Variants in TSHR observed in about 807,000 individuals in gnomAD.
TSHR encodes the protein thyroid stimulating hormone receptor, also known as thyrotropin receptor.
A neutral mutation model predicts 64.1 loss-of-function variants in TSHR; 51 were observed. The ratio of observed to expected loss-of-function variants is 0.80; its 90% CI spans 0.64 to 1.01. The LOEUF is 1.01. TSHR is among the 50% of genes least tolerant of loss of function. TSHR has a pLI of 0.00. For synonymous variants in TSHR, 361 were observed against 361.9 expected (o/e 1.00, Z 0.03); for missense variants, 877 against 942.8 (o/e 0.93, Z 0.91).
At chr14:81,007,628 C>T (rs1889671212) in intron 1 of TSHR, among the ~76,000 whole-genome samples, 1 of 152,212 alleles carries the variant, frequency 6.6e-6, no homozygotes, top group Admixed American at 6.5e-5. Flanking sequence ...TATCAGGTTT[C>T]TCCACTTTCT....
chr14:81,040,868 A>T (rs956333317), intron 1 of TSHR, among the ~76,000 whole-genome samples: 1 of 152,164 alleles, frequency 6.6e-6, no homozygotes, highest in African/African-American at 2.4e-5. Context: ...ATGGACAAAC[A>T]CTTCTCAAAA....
intron 9 of TSHR, among the ~76,000 whole-genome samples, chr14:81,141,406 C>T (rs1052762826): frequency 3.3e-5 from 5 of 152,162 alleles, no homozygotes; most frequent in Admixed American, 2.0e-4. Flanking sequence ...GCAGCTGAGG[C>T]AAGTTAAAGA....
Position 81,105,036 on chromosome 14 carries a change from C to A in TSHR, c.615-3339C>A, listed in dbSNP as rs532632878. The A allele has an allele frequency of 2.0e-4, 201 of 985,336 alleles. No homozygotes were observed. In the African/African-American group the frequency reaches 3.1e-3, roughly 15 times the overall value. The allele number at this position is 985,336 out of a possible 1,614,324, so 61.0% of individuals were successfully genotyped here. On this transcript the variant is annotated intron_variant, in intron 7 of 9. Transcript: ENST00000298171. ...GTCTCTTACTACAAGCCTTTTGAGTCTCTTTTAAGCTACTTTATGTTCATC... is the reference window on the plus strand; with the variant it reads ...GTCTCTTACTACAAGCCTTTTGAGTATCTTTTAAGCTACTTTATGTTCATC...
At chr14:81,114,130 A>G (rs2140045680) in intron 8 of TSHR, among the ~76,000 whole-genome samples, 1 of 60,566 alleles carries the variant, frequency 1.7e-5, no homozygotes, top group Admixed American at 2.8e-4. Context: ...CCCAAGGAAA[A>G]GAAAAAAAAA....
chr14:81,038,070 A>T (rs1884739171), intron 1 of TSHR, among the ~76,000 whole-genome samples: 1 of 152,104 alleles, frequency 6.6e-6, no homozygotes, highest in African/African-American at 2.4e-5. Context: ...TCCAGAATAG[A>T]TTATATGTTA....
chr14:81,074,641 G>C (rs1032575834), intron 3 of TSHR, among the ~76,000 whole-genome samples: 4 of 152,190 alleles, frequency 2.6e-5, no homozygotes, highest in African/African-American at 9.7e-5. Flanking sequence ...TGGATTTGCT[G>C]CAAGGATAGA....
intron 1 of TSHR, among the ~76,000 whole-genome samples, chr14:81,011,099 G>C (rs60279325): frequency 0.039 from 5,876 of 152,280 alleles, 370 homozygotes; most frequent in African/African-American, 0.13. Flanking sequence ...TAACATGACT[G>C]AGTTGGGTTT....
At chr14:81,107,653 G>T (rs919069643) in intron 7 of TSHR, among the ~76,000 whole-genome samples, 2 of 152,054 alleles carry the variant, frequency 1.3e-5, no homozygotes, top group Non-Finnish European at 2.9e-5. Flanking sequence ...TTCCATGGAA[G>T]GTTGATGAGA....
intron 8 of TSHR, among the ~76,000 whole-genome samples, chr14:81,134,408 T>C (rs1193540152): frequency 6.6e-6 from 1 of 152,178 alleles, no homozygotes; most frequent in Non-Finnish European, 1.5e-5. Flanking sequence ...AGTGCTGCGA[T>C]TACAGATGTG....
At chr14:81,044,441 G>A (rs927829367) in intron 1 of TSHR, among the ~76,000 whole-genome samples, 5 of 152,060 alleles carry the variant, frequency 3.3e-5, no homozygotes, top group East Asian at 1.9e-4. Flanking sequence ...GGCGGATCAC[G>A]AGGTCAGGAG....
In TSHR at chr14:81,033,620, T is replaced by TAAAA. The variant is rs558393145; in HGVS notation, c.171-28515_171-28512dup. ...GAATGTTTTCCATATGGTCTTTTTC[T>TAAAA]AAAAAAAAAAAAAAAATGTACAATT... is the stretch of plus-strand genomic sequence containing the variant. On this transcript the variant is annotated intron_variant, in intron 1 of 9. Coordinates refer to ENST00000298171, the MANE Select transcript of TSHR (RefSeq NM_000369.5). 5.5e-3 allele frequency among the ~76,000 whole-genome samples: 722 copies of TAAAA among 131,190 alleles called. 5 individuals are homozygous for TAAAA. The highest frequency in any genetic ancestry group is 0.018 in the African/African-American group (637 of 35,326). The allele number at this position is 131,190 out of a possible 152,430, so 86.1% of individuals were successfully genotyped here.
chr14:80,987,654 T>C (rs929956222), intron 1 of TSHR, among the ~76,000 whole-genome samples: 2 of 152,220 alleles, frequency 1.3e-5, no homozygotes, highest in African/African-American at 4.8e-5. Flanking sequence ...TCAATTAGCT[T>C]ACATCGTCAA....
Position 81,065,499 on chromosome 14 carries a change from G to C in TSHR, c.243-2755G>C, listed in dbSNP as rs116778384. 1.4e-3 allele frequency among the ~76,000 whole-genome samples: 214 copies of C among 152,246 alleles called. 1 individual carries two copies. Among genetic ancestry groups the C allele is most frequent in the African/African-American group, 5.1e-3 (212 of 41,566 alleles). ...AGTGGTGAGCAATAAGAAGAGGGTT[G>C]GTTGACTGAGATATAGGAGACACCC... On this transcript the variant is annotated intron_variant, in intron 2 of 9. Coordinates refer to ENST00000298171, the MANE Select transcript of TSHR (RefSeq NM_000369.5).
chr14:81,079,170 G>A (rs1425046645), intron 3 of TSHR, among the ~76,000 whole-genome samples: 5 of 152,126 alleles, frequency 3.3e-5, no homozygotes, highest in South Asian at 4.1e-4. Context: ...TGTTTGGACC[G>A]AAAAGTATGC....
intron 3 of TSHR, chr14:81,078,567 G>A (rs1887666054): frequency 6.6e-6 from 1 of 152,002 alleles, no homozygotes. Context: ...GTTAAATTTG[G>A]ACATTTTTGT....
chr14:81,114,484 C>T (rs10131452), intron 8 of TSHR, among the ~76,000 whole-genome samples: 10,336 of 152,220 alleles, frequency 0.068, 901 homozygotes, highest in East Asian at 0.23. Context: ...GCTTAAAAAA[C>T]GGCGCACCAC....
At chr14:81,022,341 C>T (rs897409331) in intron 1 of TSHR, among the ~76,000 whole-genome samples, 4 of 152,256 alleles carry the variant, frequency 2.6e-5, no homozygotes, top group Admixed American at 6.5e-5. Flanking sequence ...TATGTGTCAA[C>T]TTGTGTTGTG....
intron 3 of TSHR, among the ~76,000 whole-genome samples, chr14:81,071,894 T>C (rs1887098746): frequency 6.6e-6 from 1 of 152,252 alleles, no homozygotes; most frequent in Non-Finnish European, 1.5e-5. Flanking sequence ...TTTCATTTCT[T>C]GGCTTCATTT....
chr14:81,074,251 TG>T (rs1282239641), intron 3 of TSHR, among the ~76,000 whole-genome samples: 1 of 152,218 alleles, frequency 6.6e-6, no homozygotes, highest in Non-Finnish European at 1.5e-5. Context: ...TAATGCACCT[TG>T]TATTCTTCAA....
Sources: allele counts gnomAD v4.1 joint callset (sites outside exome capture counted in the v4.1 genomes callset), GRCh38; gene constraint gnomAD v4.1.1; transcripts MANE v1.5; gene names NCBI Gene and HGNC (gene_info 2026-07-23, HGNC 2026-07-21).